Variants in IL15RA observed in about 807,000 individuals in gnomAD.
IL15RA encodes the protein interleukin 15 receptor subunit alpha.
IL15RA carries 26 observed loss-of-function variants against 24.2 expected under a neutral mutation model. The observed-to-expected ratio is 1.07, with a 90% CI of 0.79 to 1.49. The LOEUF (loss-of-function observed/expected upper bound fraction) is 1.49, where lower values mean the gene tolerates loss of function less well. IL15RA is among the 40% of genes most tolerant of loss of function. The probability of loss-of-function intolerance (pLI) is 0.00; values close to 1 mark genes in which losing one functional copy is unlikely to be tolerated. For synonymous variants in IL15RA, 166 were observed against 157.6 expected (o/e 1.05, Z -0.40); for missense variants, 354 against 356.4 (o/e 0.99, Z 0.05).
At chr10:5,978,726 T>C (rs1297828061), upstream of IL15RA, among the ~76,000 whole-genome samples, 2 of 152,096 alleles carry the variant, frequency 1.3e-5, no homozygotes, top group African/African-American at 4.8e-5. The surrounding 1 kb of genome is among the most constrained non-coding windows in gnomAD (Gnocchi z 5.2). Context: ...TGAAACCCCA[T>C]CTCTACTAAA....
In IL15RA at chr10:5,965,746, A is replaced by T. The variant is rs1024994051; in HGVS notation, c.283+399T>A. ...TTTTTTTCTTTCTTTTTTGAGATGGAGTCTTGCTGTGTCACCCAGGCTGGA... is the reference window on the plus strand; with the variant it reads ...TTTTTTTCTTTCTTTTTTGAGATGGTGTCTTGCTGTGTCACCCAGGCTGGA... On this transcript the variant is annotated intron_variant, in intron 2 of 6. Transcript: ENST00000379977. The surrounding 1 kb of genome is among the most constrained non-coding windows in gnomAD (Gnocchi z 5.8). Among the ~76,000 whole-genome samples, 9 of 151,902 alleles carry T rather than the reference A, an allele frequency of 5.9e-5. No homozygotes were observed. Among genetic ancestry groups the T allele is most frequent in the African/African-American group, 2.2e-4 (9 of 41,324 alleles).
rs1337543012 is a variant in IL15RA, at chr10:5,968,947, A to C, written c.89-2608T>G. 6.5e-7 allele frequency: 1 copy of C among 1,534,332 alleles called. No homozygotes were observed. Among genetic ancestry groups the C allele is most frequent in the African/African-American group, 1.4e-5 (1 of 73,004 alleles). ...CTTGCATCTGTAACAGGTTTTGTAC[A>C]GGAAGTGTTCCCTGCCCATTTCCAG... On this transcript the variant is annotated intron_variant, in intron 1 of 6. Transcript: ENST00000379977. The surrounding 1 kb of genome is among the most constrained non-coding windows in gnomAD (Gnocchi z 5.4).
Position 5,964,876 on chromosome 10 carries a change from G to A in IL15RA, c.284-1035C>T, listed in dbSNP as rs1232194137. ...TTCCCATTCACTCACTGATGCCACG[G>A]GGTGCTGTGTCCCCAGCGAGTGATT... On this transcript the variant is annotated intron_variant, in intron 2 of 6. Transcript: ENST00000379977. This position sits in a 1 kb window ranked among gnomAD's most constrained non-coding sequence, Gnocchi z 5.6. Among the ~76,000 whole-genome samples, 1 of 152,194 alleles carries A rather than the reference G, an allele frequency of 6.6e-6. No individual in the cohort carries two copies. The highest frequency in any genetic ancestry group is 1.5e-5 in the Non-Finnish European group (1 of 68,036).
At chr10:5,949,203 T>C (rs1323011690), downstream of IL15RA, 1 of 471,208 alleles carries the variant, frequency 2.1e-6, no homozygotes, top group Admixed American at 2.3e-5. This position sits in a 1 kb window ranked among gnomAD's most constrained non-coding sequence, Gnocchi z 4.4. Context: ...GCCTTGTAAT[T>C]GACAGAGAGC....
Position 5,963,815 on chromosome 10 carries a change from G to A in IL15RA, c.310C>T (p.Pro104Ser), listed in dbSNP as rs1318247441. The A allele has an allele frequency of 3.2e-6, 5 of 1,550,226 alleles. No individual in the cohort carries two copies. The African/African-American group carries it at 5.7e-5, about 18-fold the overall frequency. The change falls in exon 3 of 7, where the codon CCA becomes TCA. Residue 104 changes from proline to serine, a missense_variant. Physicochemically the swap from Pro to Ser is moderately conservative, Grantham distance 74 (BLOSUM62 -1). Coordinates refer to ENST00000379977, the MANE Select transcript of IL15RA (RefSeq NM_002189.4). The surrounding 1 kb of genome is among the most constrained non-coding windows in gnomAD (Gnocchi z 5.3). ...IRDPALVHQR[P>S]APPSTVTTAG... ...GTCGTTACTGTGGAGGGTGGCGCTGGCCTTTGGTGAACCAGGGCAGGGTCT... is the reference window on the plus strand; with the variant it reads ...GTCGTTACTGTGGAGGGTGGCGCTGACCTTTGGTGAACCAGGGCAGGGTCT...
At chr10:5,950,309 G>T (rs1320363615), downstream of IL15RA, among the ~76,000 whole-genome samples, 1 of 152,170 alleles carries the variant, frequency 6.6e-6, no homozygotes, top group Non-Finnish European at 1.5e-5. This position sits in a 1 kb window ranked among gnomAD's most constrained non-coding sequence, Gnocchi z 5.6. Context: ...AGGAGAACAT[G>T]TACAGGTTGT....
Position 5,968,855 on chromosome 10 carries a change from T to G in IL15RA, c.89-2516A>C, listed in dbSNP as rs1382334379. ...TCCTGAGTCTCACGCAGGCCTCGTG[T>G]GTCTGGACCTCATGGTTGAAGCTTT... On this transcript the variant is annotated intron_variant, in intron 1 of 6. Coordinates refer to ENST00000379977, the MANE Select transcript of IL15RA (RefSeq NM_002189.4). This position sits in a 1 kb window ranked among gnomAD's most constrained non-coding sequence, Gnocchi z 5.4. 1 of 997,602 alleles carries G rather than the reference T, an allele frequency of 1.0e-6. No homozygotes were observed. Among genetic ancestry groups the G allele is most frequent in the Non-Finnish European group, 1.5e-6 (1 of 655,068 alleles). 61.8% of individuals were successfully genotyped at this position (997,602 alleles called of 1,614,324 possible).
At chr10:5,972,131 A>G (rs377174073) in intron 1 of IL15RA, among the ~76,000 whole-genome samples, 39 of 152,326 alleles carry the variant, frequency 2.6e-4, no homozygotes, top group African/African-American at 9.4e-4. Context: ...TCCTGACTAC[A>G]GTTCATTCTT....
chr10:5,977,757 G>T (rs1028874329), upstream of IL15RA: 13 of 813,658 alleles, frequency 1.6e-5, no homozygotes, highest in Non-Finnish European at 2.0e-5. Flanking sequence ...GCCGTGCCCG[G>T]TGGGGACCCA....
rs565980182 is a variant in IL15RA, at chr10:5,967,172, CCTTGT to C, written c.89-838_89-834del. 0.22 allele frequency among the ~76,000 whole-genome samples: 7,070 copies of C among 32,082 alleles called. 552 individuals carry two copies. The highest frequency in any genetic ancestry group is 0.36 in the African/African-American group (6,674 of 18,626). 21.0% of individuals were successfully genotyped at this position (32,082 alleles called of 152,430 possible). A position where few individuals can be genotyped will look rare whatever the true frequency, so the allele number is the denominator to read the frequency against. The stretch of plus-strand genomic sequence containing the variant: ...GCAGTACTTGCAAGATCGGGCCTTG[CCTTGT>C]CTTGCCTTGCCTTACCTTGCCTTAC... On this transcript the variant is annotated intron_variant, in intron 1 of 6. Coordinates refer to ENST00000379977, the MANE Select transcript of IL15RA (RefSeq NM_002189.4). The surrounding 1 kb of genome is among the most constrained non-coding windows in gnomAD (Gnocchi z 4.4).
In IL15RA at chr10:5,977,502, T is replaced by C. The variant is rs1589273414; in HGVS notation, c.-10A>G. 1 of 1,345,762 alleles carries C rather than the reference T, an allele frequency of 7.4e-7. No individual in the cohort carries two copies. Among genetic ancestry groups the C allele is most frequent in the Non-Finnish European group, 9.5e-7 (1 of 1,049,954 alleles). 83.4% of individuals were successfully genotyped at this position (1,345,762 alleles called of 1,614,324 possible). A position where few individuals can be genotyped will look rare whatever the true frequency, so the allele number is the denominator to read the frequency against. On this transcript the variant is annotated 5_prime_UTR_variant, in exon 1 of 7. Transcript: ENST00000379977. The stretch of plus-strand genomic sequence containing the variant: ...CCCGCCGCGGGGCCATGGCGGCAGC[T>C]CCACAGGACACCGCTGGACTCCCCG...
rs1016020125 is a variant in IL15RA, at chr10:5,963,230, C to T, written c.382+513G>A. On this transcript the variant is annotated intron_variant, in intron 3 of 6. Coordinates refer to ENST00000379977, the MANE Select transcript of IL15RA (RefSeq NM_002189.4). The surrounding 1 kb of genome is among the most constrained non-coding windows in gnomAD (Gnocchi z 5.3). The stretch of plus-strand genomic sequence containing the variant: ...TGCCCATGACAAAACGCTTGGGTCT[C>T]GGAAGCCCAGGCTTCCTCTCCCACA... Among the ~76,000 whole-genome samples the T allele has an allele frequency of 2.6e-5, 4 of 152,218 alleles. No homozygotes were observed. Among genetic ancestry groups the T allele is most frequent in the Admixed American group, 6.5e-5 (1 of 15,288 alleles).
chr10:5,959,834 A>C lies in IL15RA; in HGVS notation c.584-48T>G. 1 of 1,592,436 alleles carries C rather than the reference A, an allele frequency of 6.3e-7. No homozygotes were observed. The highest frequency in any genetic ancestry group is 2.2e-5 in the East Asian group (1 of 44,750). On this transcript the variant is annotated intron_variant, in intron 4 of 6. Transcript: ENST00000379977. The surrounding 1 kb of genome is among the most constrained non-coding windows in gnomAD (Gnocchi z 4.1). ...TCACGGCTCGAGTCCTAGAGGTCCT[A>C]GTTCCTCATGAAGCAGGAGAAAATC...
rs539573692 is a variant in IL15RA at position 5,964,251 on chromosome 10, C to T, written c.284-410G>A. ...ACAACTCACTGCAGCCTTGACCTCC[C>T]GGGCTCAAGAGATCCTCCTGCCTCA... On this transcript the variant is annotated intron_variant, in intron 2 of 6. Coordinates refer to ENST00000379977, the MANE Select transcript of IL15RA (RefSeq NM_002189.4). The surrounding 1 kb of genome is among the most constrained non-coding windows in gnomAD (Gnocchi z 5.6). 1.6e-4 allele frequency among the ~76,000 whole-genome samples: 25 copies of T among 152,238 alleles called. No individual in the cohort carries two copies. The highest frequency in any genetic ancestry group is 4.6e-4 in the Admixed American group (7 of 15,290).
At position 5,975,335 on chromosome 10, in the gene IL15RA, A is replaced by G. The variant is rs1002549419; in HGVS notation, c.88+2070T>C. Among the ~76,000 whole-genome samples, 3 of 152,190 alleles carry G rather than the reference A, an allele frequency of 2.0e-5. No individual in the cohort carries two copies. The highest frequency in any genetic ancestry group is 4.4e-5 in the Non-Finnish European group (3 of 68,034). ...CTGTCTGTGAAAAAAGCCAAACAAG[A>G]AAGAGTTCCTACCGTGTAATTCTAT... On this transcript the variant is annotated intron_variant, in intron 1 of 6. Transcript: ENST00000379977. This position sits in a 1 kb window ranked among gnomAD's most constrained non-coding sequence, Gnocchi z 4.8.
chr10:5,968,694 C>A lies in IL15RA; in HGVS notation c.89-2355G>T. On this transcript the variant is annotated intron_variant, in intron 1 of 6. Transcript: ENST00000379977. This position sits in a 1 kb window ranked among gnomAD's most constrained non-coding sequence, Gnocchi z 5.4. ...TGCTCCACACTGATCTTCTGTCCTTCTCTACCTGCCTAAACCACAGAGTGT... is the reference window on the plus strand; with the variant it reads ...TGCTCCACACTGATCTTCTGTCCTTATCTACCTGCCTAAACCACAGAGTGT... 1.4e-6 allele frequency: 1 copy of A among 691,330 alleles called. No individual in the cohort carries two copies. 42.8% of individuals were successfully genotyped at this position (691,330 alleles called of 1,614,324 possible).
At position 5,968,760 on chromosome 10, in the gene IL15RA, T is replaced by C. The variant is rs1175625612; in HGVS notation, c.89-2421A>G. 1 of 702,824 alleles carries C rather than the reference T, an allele frequency of 1.4e-6. No individual in the cohort carries two copies. The highest frequency in any genetic ancestry group is 2.7e-5 in the East Asian group (1 of 37,278). The allele number at this position is 702,824 out of a possible 1,614,324, so 43.5% of individuals were successfully genotyped here. ...GCCCACCCCATCCTGCCCTCCATGA[T>C]AGATGGCTGTGCTACCTGCTTGCTG... On this transcript the variant is annotated intron_variant, in intron 1 of 6. Coordinates refer to ENST00000379977, the MANE Select transcript of IL15RA (RefSeq NM_002189.4). This position sits in a 1 kb window ranked among gnomAD's most constrained non-coding sequence, Gnocchi z 5.4.
At position 5,953,421 on chromosome 10, in the gene IL15RA, G is replaced by A. The variant is rs1834084131; in HGVS notation, c.693-215C>T. 4.3e-5 allele frequency: 30 copies of A among 698,336 alleles called. No individual in the cohort carries two copies. The East Asian group carries it at 7.8e-4, about 18-fold the overall frequency. 43.3% of individuals were successfully genotyped at this position (698,336 alleles called of 1,614,324 possible). ...CCGAGTGTATTAAATCCTATCTAGG[G>A]GCCAGGTGTGGTGGCGCATGCCTGT... On this transcript the variant is annotated intron_variant, in intron 6 of 6. Transcript: ENST00000379977. The surrounding 1 kb of genome is among the most constrained non-coding windows in gnomAD (Gnocchi z 5.3).
rs1415045884 is a variant in IL15RA, at chr10:5,967,358, C to T, written c.89-1019G>A. Among the ~76,000 whole-genome samples the T allele has an allele frequency of 6.6e-6, 1 of 152,236 alleles. No individual in the cohort carries two copies. The highest frequency in any genetic ancestry group is 1.5e-5 in the Non-Finnish European group (1 of 68,052). ...TAGCTGTGACTACAGGTGCACACCA[C>T]CACACCCAGCTAATTTTTGTATTTT... On this transcript the variant is annotated intron_variant, in intron 1 of 6. Transcript: ENST00000379977. The surrounding 1 kb of genome is among the most constrained non-coding windows in gnomAD (Gnocchi z 4.4).
Sources: gnomAD v4.1 joint callset for allele counts (sites outside exome capture counted in the v4.1 genomes callset) on GRCh38, gnomAD v4.1.1 for gene constraint, Gnocchi (gnomAD v3.1) non-coding constraint, MANE v1.5 for transcripts, NCBI Gene and HGNC (gene_info 2026-07-23, HGNC 2026-07-21) for gene names.